The following CEP350 variants were observed in gnomAD, a reference collection of about 807,000 sequenced individuals.
CEP350 encodes centrosomal protein 350, also known as centrosome-associated protein 350.
A neutral mutation model predicts 331.8 loss-of-function variants in CEP350; 126 were observed. That is an observed-to-expected ratio of 0.38 (90% CI 0.33 to 0.44). The LOEUF is 0.44. CEP350 is among the 20% of genes least tolerant of loss of function. The probability of loss-of-function intolerance (pLI) is 1.00; values close to 1 mark genes in which losing one functional copy is unlikely to be tolerated. For synonymous variants in CEP350, 1,200 were observed against 1,259.5 expected (o/e 0.95, Z 1.00); for missense variants, 3,406 against 3,634.6 (o/e 0.94, Z 1.62).
At chr1:180,083,074 A>G (rs567516606) in intron 30 of CEP350, among the ~76,000 whole-genome samples, 97 of 152,332 alleles carry the variant, frequency 6.4e-4, no homozygotes, top group African/African-American at 2.3e-3. Context: ...AATAACTTCC[A>G]TAACTAGCTC....
chr1:180,086,237 A>G (rs1231956629), intron 31 of CEP350, among the ~76,000 whole-genome samples: 2 of 152,214 alleles, frequency 1.3e-5, no homozygotes, highest in African/African-American at 2.4e-5. Context: ...CATGCTGGAA[A>G]GAAGTGGAAA....
intron 7 of CEP350, among the ~76,000 whole-genome samples, chr1:180,003,521 A>G (rs1348577519): frequency 6.6e-6 from 1 of 152,174 alleles, no homozygotes; most frequent in East Asian, 1.9e-4. Flanking sequence ...TTTTAAACTG[A>G]GGGACTTTCA....
intron 25 of CEP350, among the ~76,000 whole-genome samples, 168 bp downstream of exon 25, chr1:180,054,670 C>A (rs1221731004): frequency 1.3e-5 from 2 of 152,078 alleles, no homozygotes; most frequent in African/African-American, 2.4e-5. Flanking sequence ...GCTTGGTAAT[C>A]TACTGTATTT....
chr1:180,093,859 A>G lies in CEP350; in HGVS notation c.7754A>G (p.Asp2585Gly), dbSNP rs368260602. ...AATGAAGATGAAGACTGTTACTCAG[A>G]TGAACGATATCAGTGCTATAATCAA... The part of the protein sequence containing the change: ...DINEDEDCYS[D>G]ERYQCYNQEQ... Residue 2585 changes from aspartate (D) to glycine (G), a missense_variant, in exon 34 of 38, where the codon GAT becomes GGT. Asp to Gly is a moderately conservative substitution (Grantham distance 94, BLOSUM62 -1). Around this residue, in one of 5 missense-constraint regions of CEP350, gnomAD observed 1,415 missense variants for 1,512.3 expected, o/e 0.94. Transcript: ENST00000367607. The G allele has an allele frequency of 6.2e-7, 1 of 1,613,932 alleles. No individual in the cohort carries two copies. Among genetic ancestry groups the G allele is most frequent in the Admixed American group, 1.7e-5 (1 of 60,024 alleles).
intron 25 of CEP350, among the ~76,000 whole-genome samples, chr1:180,057,453 T>C (rs1657927520): frequency 6.6e-6 from 1 of 152,050 alleles, no homozygotes; most frequent in South Asian, 2.1e-4. Flanking sequence ...TCTTGACTGC[T>C]GTTTCTTCCC....
chr1:180,080,987 G>A (rs1458932063), intron 30 of CEP350, among the ~76,000 whole-genome samples: 1 of 151,772 alleles, frequency 6.6e-6, no homozygotes, highest in African/African-American at 2.4e-5. Flanking sequence ...AGCCTCCCGA[G>A]AAGCTGGGAT....
chr1:180,112,591 A>G lies in CEP350; in HGVS notation c.*1430A>G, dbSNP rs1661513887. On this transcript the variant is annotated 3_prime_UTR_variant, in exon 38 of 38. Coordinates refer to ENST00000367607, the MANE Select transcript of CEP350 (RefSeq NM_014810.5). ...TCCTGTCCCTCTTCAAGTAATCTAG[A>G]AGAATGTGGATACTCTTAGGCGTGA... is the stretch of plus-strand genomic sequence containing the variant. 6.6e-6 allele frequency: 1 copy of G among 152,300 alleles called. No individual in the cohort carries two copies. The highest frequency in any genetic ancestry group is 2.4e-5 in the African/African-American group (1 of 41,272). 9.4% of individuals were successfully genotyped at this position (152,300 alleles called of 1,614,324 possible).
chr1:179,974,770 T>C (rs1651727113), intron 1 of CEP350, among the ~76,000 whole-genome samples: 1 of 152,106 alleles, frequency 6.6e-6, no homozygotes, highest in Admixed American at 6.6e-5. Context: ...GGCAGGAGGA[T>C]TGCTTGAGGC....
intron 10 of CEP350, among the ~76,000 whole-genome samples, chr1:180,014,892 AG>A (rs1479060588): frequency 3.9e-5 from 6 of 152,258 alleles, no homozygotes; most frequent in African/African-American, 1.4e-4. Flanking sequence ...ACTAATAGCC[AG>A]CTGTTGACTG....
At chr1:180,048,976 G>C (rs770836847) in intron 22 of CEP350, among the ~76,000 whole-genome samples, 2 of 152,160 alleles carry the variant, frequency 1.3e-5, no homozygotes, top group Non-Finnish European at 2.9e-5. Context: ...GCTAAGATGG[G>C]AGGATCACTT....
chr1:180,060,363 T>A (rs1658118679), intron 25 of CEP350, among the ~76,000 whole-genome samples: 1 of 152,166 alleles, frequency 6.6e-6, no homozygotes. Context: ...AATCTCACCA[T>A]ATGGGGTGGG....
chr1:179,983,741 A>G (rs1277229465), intron 1 of CEP350, among the ~76,000 whole-genome samples: 3 of 152,240 alleles, frequency 2.0e-5, no homozygotes, highest in Non-Finnish European at 4.4e-5. Context: ...TCTGCATACA[A>G]CTAAGTGGAG....
rs142204164 is a variant in CEP350 at position 180,040,524 on chromosome 1, G to A, written c.4111-614G>A. 3.3e-3 allele frequency among the ~76,000 whole-genome samples: 508 copies of A among 151,910 alleles called. 2 individuals carry two copies. The highest frequency in any genetic ancestry group is 0.012 in the African/African-American group (478 of 41,434). Reference sequence around the variant, plus strand: ...GCTGATCTTGAACTCCTGGCCTCAAGTGATCCTCCCATCTTGGCCTCCCAA... The same window carrying A: ...GCTGATCTTGAACTCCTGGCCTCAAATGATCCTCCCATCTTGGCCTCCCAA... On this transcript the variant is annotated intron_variant, in intron 17 of 37. Coordinates refer to ENST00000367607, the MANE Select transcript of CEP350 (RefSeq NM_014810.5).
intron 25 of CEP350, among the ~76,000 whole-genome samples, chr1:180,056,612 GGTGTGCGCCACCA>G (rs1657865252): frequency 6.6e-6 from 1 of 151,726 alleles, no homozygotes; most frequent in Non-Finnish European, 1.5e-5. Flanking sequence ...TGGGACCACA[GGTGTGCGCCACCA>G]GTGCCAGGTA....
intron 1 of CEP350, chr1:179,969,561 A>G (rs948936400): frequency 1.8e-5 from 6 of 342,632 alleles, no homozygotes; most frequent in African/African-American, 1.3e-4. Context: ...GTTGATGGAA[A>G]ATAAGCAGCA....
At chr1:180,009,578 C>T (rs904730527) in intron 8 of CEP350, among the ~76,000 whole-genome samples, 8 of 152,062 alleles carry the variant, frequency 5.3e-5, no homozygotes, top group African/African-American at 1.9e-4. Context: ...GTAACTGTTC[C>T]AGAAAGTTAG....
chr1:180,023,753 G>A (rs1219737299), intron 13 of CEP350, among the ~76,000 whole-genome samples: 4 of 152,078 alleles, frequency 2.6e-5, no homozygotes, highest in African/African-American at 4.8e-5. Context: ...ATCAGACTTC[G>A]TTGGAGAGAA....
chr1:180,073,672 A>G (rs1247463561), intron 27 of CEP350: 2 of 698,500 alleles, frequency 2.9e-6, no homozygotes, highest in Non-Finnish European at 4.1e-6. Flanking sequence ...AGTCACTTAT[A>G]ATGTTCTTCA....
At position 179,998,348 on chromosome 1, in the gene CEP350, G is replaced by A. The variant is rs192524682; in HGVS notation, c.1018+1173G>A. ...TTTTAAGACAGAGTCTCACTCTGTC[G>A]CCCAGGCTGGAGTGCAGTGGCATGA... On this transcript the variant is annotated intron_variant, in intron 6 of 37. Coordinates refer to ENST00000367607, the MANE Select transcript of CEP350 (RefSeq NM_014810.5). Among the ~76,000 whole-genome samples, 30 of 130,572 alleles carry A rather than the reference G, an allele frequency of 2.3e-4. No individual in the cohort carries two copies. The East Asian group carries it at 2.5e-3, about 11-fold the overall frequency. 85.7% of individuals were successfully genotyped at this position (130,572 alleles called of 152,430 possible).
Sources: gnomAD v4.1 joint callset for allele counts (sites outside exome capture counted in the v4.1 genomes callset) on GRCh38, gnomAD v4.1.1 for gene constraint, gnomAD v4.1.1 regional missense constraint, MANE v1.5 for transcripts, NCBI Gene and HGNC (gene_info 2026-07-23, HGNC 2026-07-21) for gene names.